DAPK2: variants seen among roughly 807,000 people sequenced by gnomAD.
DAPK2 encodes death associated protein kinase 2, also known as death-associated protein kinase 2.
A neutral mutation model predicts 44.1 loss-of-function variants in DAPK2; 35 were observed. The ratio of observed to expected loss-of-function variants is 0.79; its 90% CI spans 0.61 to 1.05. The LOEUF (loss-of-function observed/expected upper bound fraction) is 1.05, where lower values mean the gene tolerates loss of function less well. Among genes scored for constraint, DAPK2 ranks in the 50% least tolerant of loss-of-function variants. DAPK2 has a pLI of 0.00. For missense variants in DAPK2, 453 were observed against 483.2 expected (o/e 0.94, Z 0.59); for synonymous variants, 174 against 182.6 (o/e 0.95, Z 0.38).
intron 8 of DAPK2, among the ~76,000 whole-genome samples, chr15:63,924,122 C>A (rs115818233): frequency 6.6e-6 from 1 of 152,180 alleles, no homozygotes; most frequent in African/African-American, 2.4e-5. Context: ...AGAATTAGGG[C>A]CTGAATCCTG....
chr15:64,035,030 T>C (rs1404872493), intron 1 of DAPK2, among the ~76,000 whole-genome samples: 3 of 152,046 alleles, frequency 2.0e-5, no homozygotes, highest in Non-Finnish European at 4.4e-5. Context: ...TAGCCAGGCA[T>C]GGTGGCGTGT....
At chr15:63,995,599 A>G (rs2078932404) in intron 1 of DAPK2, among the ~76,000 whole-genome samples, 1 of 152,246 alleles carries the variant, frequency 6.6e-6, no homozygotes, top group South Asian at 2.1e-4. Flanking sequence ...ATTGCTGGTC[A>G]CATTGTTGGT....
At chr15:63,948,881 T>C (rs13329518) in intron 3 of DAPK2, among the ~76,000 whole-genome samples, 46,164 of 152,048 alleles carry the variant, frequency 0.3, 7,697 homozygotes, top group Non-Finnish European at 0.36. Context: ...ACCCCAGTTT[T>C]ACAGATGAAG....
In DAPK2 at chr15:63,966,310, A is replaced by G. The variant is rs1483226279; in HGVS notation, c.453+5113T>C. On this transcript the variant is annotated intron_variant, in intron 3 of 10. Coordinates refer to ENST00000261891, the Ensembl canonical transcript of DAPK2. This position sits in a 1 kb window ranked among gnomAD's most constrained non-coding sequence, Gnocchi z 5.5. ...GCTGAGCTGGTATCCAAATTGCAAG[A>G]TGAAGTCCTCTTCACTTTTCCCTCT... Among the ~76,000 whole-genome samples the G allele has an allele frequency of 6.6e-6, 1 of 152,178 alleles. No individual in the cohort carries two copies. The highest frequency in any genetic ancestry group is 1.5e-5 in the Non-Finnish European group (1 of 68,014).
intron 1 of DAPK2, among the ~76,000 whole-genome samples, chr15:64,016,751 C>G (rs1334789712): frequency 6.7e-6 from 1 of 150,000 alleles, no homozygotes; most frequent in Non-Finnish European, 1.5e-5. Flanking sequence ...CATGACTATG[C>G]TACTGAGTTC....
intron 1 of DAPK2, among the ~76,000 whole-genome samples, chr15:64,030,979 TACACACACACACACAC>T (rs71131201): frequency 7.1e-6 from 1 of 140,186 alleles, no homozygotes; most frequent in African/African-American, 2.7e-5. Context: ...AATACACACA[TACACACACACACACAC>T]ACACACACAC....
rs112761921 is a variant in DAPK2 at position 63,931,726 on chromosome 15, C to T, written c.584-1271G>A. Among the ~76,000 whole-genome samples the T allele has an allele frequency of 5.9e-3, 899 of 152,186 alleles. 10 individuals are homozygous for T. Among genetic ancestry groups the T allele is most frequent in the African/African-American group, 0.021 (866 of 41,510 alleles). On this transcript the variant is annotated intron_variant, in intron 4 of 10. Transcript: ENST00000261891. ...CAGGAAGGAGCAGGAGCTGAGCCAA[C>T]GATGTGATGAGCAGGAGAGGGTGCA... is the stretch of plus-strand genomic sequence containing the variant.
At position 63,923,196 on chromosome 15, in the gene DAPK2, C is replaced by T; in HGVS notation, c.858+1620G>A. 2 of 1,535,912 alleles carry T rather than the reference C, an allele frequency of 1.3e-6. No homozygotes were observed. The highest frequency in any genetic ancestry group is 1.7e-6 in the Non-Finnish European group (2 of 1,146,740). ...AGGTCGACCCGAGCCACGTCTTCCA[C>T]CACACAGGCAAAACGCTCGAAGTTG... On this transcript the variant is annotated intron_variant, in intron 8 of 10. Coordinates refer to ENST00000261891, the Ensembl canonical transcript of DAPK2. The surrounding 1 kb of genome is among the most constrained non-coding windows in gnomAD (Gnocchi z 4.2).
intron 3 of DAPK2, among the ~76,000 whole-genome samples, chr15:63,956,190 T>C (rs1441607337): frequency 1.3e-5 from 2 of 152,200 alleles, no homozygotes; most frequent in East Asian, 3.8e-4. Flanking sequence ...TTTTTTCCTC[T>C]TAGTAGGTCT....
rs931707766 is a variant in DAPK2 at position 63,938,726 on chromosome 15, A to T, written c.583+506T>A. Among the ~76,000 whole-genome samples, 63 of 152,300 alleles carry T rather than the reference A, an allele frequency of 4.1e-4. 1 individual carries two copies. Among genetic ancestry groups the T allele is most frequent in the African/African-American group, 1.5e-3 (63 of 41,564 alleles). On this transcript the variant is annotated intron_variant, in intron 4 of 10. Transcript: ENST00000261891. ...GGCCAAGGGTGACAGAAACAGAGGG[A>T]AGAGGAAGCAGCCAGGGCCCCACTG...
upstream of DAPK2, among the ~76,000 whole-genome samples, chr15:64,042,668 C>T (rs899603478): frequency 6.6e-6 from 1 of 152,226 alleles, no homozygotes; most frequent in Non-Finnish European, 1.5e-5. This position sits in a 1 kb window ranked among gnomAD's most constrained non-coding sequence, Gnocchi z 4.7. Flanking sequence ...GTTAGGCTTT[C>T]GCTCATCTTT....
Position 63,980,019 on chromosome 15 carries a change from G to T in DAPK2, c.314+3514C>A, listed in dbSNP as rs773408964. Among the ~76,000 whole-genome samples the T allele has an allele frequency of 6.6e-6, 1 of 152,170 alleles. No individual in the cohort carries two copies. The highest frequency in any genetic ancestry group is 1.5e-5 in the Non-Finnish European group (1 of 68,028). On this transcript the variant is annotated intron_variant, in intron 2 of 10. Transcript: ENST00000261891. This position sits in a 1 kb window ranked among gnomAD's most constrained non-coding sequence, Gnocchi z 4.3. ...CATGGGTTAGGGACAGTCTTGGAAC[G>T]CTTGGGTCTTCTCCAATCTCATAAA...
Position 63,980,941 on chromosome 15 carries a change from T to C in DAPK2, c.314+2592A>G, listed in dbSNP as rs796700772. Among the ~76,000 whole-genome samples, 8 of 152,040 alleles carry C rather than the reference T, an allele frequency of 5.3e-5. No individual in the cohort carries two copies. The highest frequency in any genetic ancestry group is 1.3e-4 in the Admixed American group (2 of 15,282). ...CCCATCTCTACTAAAAATACAAAAA[T>C]TAGCTGGGTGTGGTGGTGGGTGCCT... On this transcript the variant is annotated intron_variant, in intron 2 of 10. Transcript: ENST00000261891. This position sits in a 1 kb window ranked among gnomAD's most constrained non-coding sequence, Gnocchi z 4.3.
intron 2 of DAPK2, among the ~76,000 whole-genome samples, chr15:63,973,404 G>C (rs2078265892): frequency 6.6e-6 from 1 of 152,254 alleles, no homozygotes; most frequent in Admixed American, 6.5e-5. Context: ...CTGGAGGGCA[G>C]AGCAATGAGC....
chr15:64,020,928 T>C lies in DAPK2; in HGVS notation c.92+19242A>G, dbSNP rs924103186. On this transcript the variant is annotated intron_variant, in intron 1 of 10. Coordinates refer to ENST00000261891, the Ensembl canonical transcript of DAPK2. This position sits in a 1 kb window ranked among gnomAD's most constrained non-coding sequence, Gnocchi z 4.5. ...TGCCTTGTGACCCAGAGACAGAAAG[T>C]GCCTTGCCCAGGTGCATTAACGTAT... Among the ~76,000 whole-genome samples, 2 of 152,208 alleles carry C rather than the reference T, an allele frequency of 1.3e-5. No individual in the cohort carries two copies. Among genetic ancestry groups the C allele is most frequent in the Admixed American group, 6.5e-5 (1 of 15,282 alleles).
chr15:64,039,853 G>A (rs1197595979), intron 1 of DAPK2, among the ~76,000 whole-genome samples: 1 of 152,126 alleles, frequency 6.6e-6, no homozygotes, highest in African/African-American at 2.4e-5. Context: ...AACAAGTCAG[G>A]TCTCCATCCA....
intron 2 of DAPK2, among the ~76,000 whole-genome samples, chr15:63,981,009 G>A (rs2078492299): frequency 6.6e-6 from 1 of 151,468 alleles, no homozygotes; most frequent in East Asian, 1.9e-4. Flanking sequence ...AGAATAGCTT[G>A]AACCCAGGAG....
At chr15:63,960,556 G>A (rs2077867082) in intron 3 of DAPK2, among the ~76,000 whole-genome samples, 1 of 152,176 alleles carries the variant, frequency 6.6e-6, no homozygotes, top group Non-Finnish European at 1.5e-5. Context: ...TTGTGTCTTT[G>A]TTCTCATTGG....
intron 1 of DAPK2, among the ~76,000 whole-genome samples, chr15:63,994,539 G>T (rs1446203485): frequency 6.6e-6 from 1 of 151,172 alleles, no homozygotes; most frequent in African/African-American, 2.4e-5. Context: ...TATCATCTTG[G>T]TGTCTGCCCC....
Sources: allele counts gnomAD v4.1 joint callset (sites outside exome capture counted in the v4.1 genomes callset), GRCh38; gene constraint gnomAD v4.1.1; non-coding constraint Gnocchi (gnomAD v3.1); transcripts MANE v1.5; gene names NCBI Gene and HGNC (gene_info 2026-07-23, HGNC 2026-07-21).